Variants in ATP1B3 observed in about 807,000 individuals in gnomAD.
The protein encoded by ATP1B3 is ATPase Na+/K+ transporting subunit beta 3, also known as sodium/potassium-transporting ATPase subunit beta-3.
In ATP1B3, 10 loss-of-function variants were observed where a neutral mutation model predicts 30.2. That is an observed-to-expected ratio of 0.33 (90% CI 0.20 to 0.56). The LOEUF is 0.56. ATP1B3 is among the 20% of genes least tolerant of loss of function. ATP1B3 has a pLI of 0.90. For missense variants in ATP1B3, 238 were observed against 336.7 expected, an observed-to-expected ratio of 0.71 and a Z score of 2.29; for synonymous variants, 113 against 117.0, an observed-to-expected ratio of 0.97 and a Z score of 0.22.
intron 1 of ATP1B3, among the ~76,000 whole-genome samples, chr3:141,886,072 A>G (rs1933827466): frequency 1.3e-5 from 2 of 152,178 alleles, no homozygotes; most frequent in South Asian, 4.1e-4. Flanking sequence ...CTTTGATCAT[A>G]TTACCTTCTG....
intron 5 of ATP1B3, among the ~76,000 whole-genome samples, chr3:141,917,364 C>G (rs1158239018): frequency 6.6e-6 from 1 of 152,104 alleles, no homozygotes; most frequent in African/African-American, 2.4e-5. Flanking sequence ...CACTTTACCT[C>G]CTTGTGCCAC....
rs376340369 is a variant in ATP1B3 at position 141,891,181 on chromosome 3, T to C, written c.110-12439T>C. 5.3e-5 allele frequency among the ~76,000 whole-genome samples: 8 copies of C among 152,336 alleles called. No homozygotes were observed. In the East Asian group the frequency reaches 1.2e-3, roughly 22 times the overall value. On this transcript the variant is annotated intron_variant, in intron 1 of 6. Coordinates refer to ENST00000286371, the MANE Select transcript of ATP1B3 (RefSeq NM_001679.4). ...TATGGATTCTTTTTAGGATATTGTT[T>C]TGTTGATCTGTATCTTGATTCCTGT...
chr3:141,905,544 T>C (rs1341392940), intron 2 of ATP1B3, among the ~76,000 whole-genome samples: 1 of 152,238 alleles, frequency 6.6e-6, no homozygotes, highest in Non-Finnish European at 1.5e-5. Context: ...CCATTTTTTT[T>C]CCTAGAACAA....
intron 1 of ATP1B3, among the ~76,000 whole-genome samples, chr3:141,883,611 A>G (rs1398728002): frequency 3.3e-5 from 5 of 152,220 alleles, no homozygotes; most frequent in Non-Finnish European, 5.9e-5. Flanking sequence ...TTACTAGACT[A>G]TAATCTTATT....
intron 3 of ATP1B3, among the ~76,000 whole-genome samples, chr3:141,910,783 C>CG (rs397776661): frequency 1.3e-5 from 2 of 150,000 alleles, no homozygotes; most frequent in African/African-American, 2.5e-5. Context: ...CTGCCCCCCC[C>CG]TTTTTTTTAA....
chr3:141,880,045 T>C (rs958694633), intron 1 of ATP1B3, among the ~76,000 whole-genome samples: 6 of 152,096 alleles, frequency 3.9e-5, no homozygotes, highest in Non-Finnish European at 7.4e-5. Context: ...TCATTTAAGA[T>C]GTTTCCTGGT....
Position 141,925,823 on chromosome 3 carries a change from G to C in ATP1B3, c.*122G>C, listed in dbSNP as rs1422303437. The C allele has an allele frequency of 5.7e-6, 7 of 1,225,094 alleles. No homozygotes were observed. The East Asian group carries it at 1.4e-4, about 25-fold the overall frequency. The allele number at this position is 1,225,094 out of a possible 1,614,324, so 75.9% of individuals were successfully genotyped here. A position where few individuals can be genotyped will look rare whatever the true frequency, so the allele number is the denominator to read the frequency against. ...AGAAAGGTGTGTGGTACATGACATT[G>C]GGTTACATCATAACGTGCTTCCAGA... On this transcript the variant is annotated 3_prime_UTR_variant, in exon 7 of 7. Coordinates refer to ENST00000286371, the MANE Select transcript of ATP1B3 (RefSeq NM_001679.4).
intron 1 of ATP1B3, among the ~76,000 whole-genome samples, chr3:141,900,629 G>T (rs1934145377): frequency 6.6e-6 from 1 of 152,108 alleles, no homozygotes; most frequent in African/African-American, 2.4e-5. Context: ...TTCTATGGAG[G>T]ACTGAGCCCG....
intron 1 of ATP1B3, among the ~76,000 whole-genome samples, chr3:141,891,321 T>A (rs1390832371): frequency 6.6e-6 from 1 of 152,172 alleles, no homozygotes; most frequent in African/African-American, 2.4e-5. Context: ...GCAAGCCTTA[T>A]AAAAACCATT....
At chr3:141,885,461 T>C (rs905549923) in intron 1 of ATP1B3, among the ~76,000 whole-genome samples, 1 of 152,044 alleles carries the variant, frequency 6.6e-6, no homozygotes, top group Non-Finnish European at 1.5e-5. Flanking sequence ...TCTTTTTTTG[T>C]TTTTCAGATG....
At chr3:141,916,386 T>C (rs961561563) in intron 5 of ATP1B3, 2 of 474,714 alleles carry the variant, frequency 4.2e-6, no homozygotes, top group Non-Finnish European at 4.1e-6. Context: ...TTAGTTGGCG[T>C]GCTAGTCATC....
intron 1 of ATP1B3, among the ~76,000 whole-genome samples, chr3:141,887,273 G>A (rs1411774033): frequency 6.6e-6 from 1 of 152,226 alleles, no homozygotes; most frequent in Non-Finnish European, 1.5e-5. Context: ...TAGAGTTGGT[G>A]AGTGGTCAGT....
chr3:141,916,052 C>A, intron 5 of ATP1B3, 32 bp downstream of exon 5: 1 of 1,554,502 alleles, frequency 6.4e-7, no homozygotes, highest in South Asian at 1.2e-5. Flanking sequence ...CCTGTTAAAT[C>A]TTTGATGTTT....
At chr3:141,913,604 T>C (rs1356129980) in intron 3 of ATP1B3, 48 bp from the exon 4 acceptor site, 2 of 1,464,244 alleles carry the variant, frequency 1.4e-6, no homozygotes, top group Non-Finnish European at 9.1e-7. Context: ...TGGTTGTTTT[T>C]AGTACCTTTT....
intron 1 of ATP1B3, among the ~76,000 whole-genome samples, chr3:141,898,521 T>G (rs2107770442): frequency 6.6e-6 from 1 of 152,260 alleles, no homozygotes; most frequent in East Asian, 1.9e-4. Flanking sequence ...CATTAGCCAT[T>G]AGGGAAAATG....
chr3:141,894,461 T>G (rs1209894427), intron 1 of ATP1B3, among the ~76,000 whole-genome samples: 1 of 152,096 alleles, frequency 6.6e-6, no homozygotes, highest in African/African-American at 2.4e-5. Context: ...CCCAGCGACT[T>G]TATATACTTT....
At chr3:141,899,724 C>T (rs543614971) in intron 1 of ATP1B3, among the ~76,000 whole-genome samples, 178 of 152,282 alleles carry the variant, frequency 1.2e-3, no homozygotes, top group African/African-American at 4.1e-3. Context: ...ACAAAATTAG[C>T]CAGGTGTGGT....
intron 1 of ATP1B3, among the ~76,000 whole-genome samples, chr3:141,895,063 A>G (rs1934034414): frequency 1.3e-5 from 2 of 151,888 alleles, no homozygotes; most frequent in Admixed American, 6.6e-5. Flanking sequence ...GCAGTCTGTC[A>G]CTGACTGAAA....
At chr3:141,884,596 G>A (rs1044232590) in intron 1 of ATP1B3, among the ~76,000 whole-genome samples, 1 of 152,194 alleles carries the variant, frequency 6.6e-6, no homozygotes, top group African/African-American at 2.4e-5. Context: ...ACTCTTAATT[G>A]GGTGGGCACT....
Sources: gnomAD v4.1 joint callset for allele counts (sites outside exome capture counted in the v4.1 genomes callset) on GRCh38, gnomAD v4.1.1 for gene constraint, MANE v1.5 for transcripts, NCBI Gene and HGNC (gene_info 2026-07-23, HGNC 2026-07-21) for gene names.